Variants in CGRRF1 observed in about 807,000 individuals in gnomAD.
CGRRF1 encodes the protein cell growth regulator with RING finger domain protein 1.
CGRRF1 carries 32 observed loss-of-function variants against 37.2 expected under a neutral mutation model. The observed-to-expected ratio is 0.86, with a 90% CI of 0.65 to 1.16. The LOEUF (loss-of-function observed/expected upper bound fraction) is 1.16, where lower values mean the gene tolerates loss of function less well. Ranked by LOEUF, CGRRF1 falls within the 50% of genes most tolerant of loss-of-function variation. The pLI is 0.00. For synonymous variants in CGRRF1, 141 were observed against 140.3 expected (o/e 1.00, Z -0.04); for missense variants, 391 against 382.6 (o/e 1.02, Z -0.18).
intron 2 of CGRRF1, among the ~76,000 whole-genome samples, chr14:54,525,447 G>T (rs8022285): frequency 0.046 from 6,944 of 152,280 alleles, 372 homozygotes; most frequent in East Asian, 0.28. Context: ...TATTACTGAA[G>T]TCATGAAAAA....
chr14:54,515,610 A>T (rs2032202553), intron 1 of CGRRF1, among the ~76,000 whole-genome samples: 1 of 152,108 alleles, frequency 6.6e-6, no homozygotes, highest in African/African-American at 2.4e-5. Flanking sequence ...AGGTACATAA[A>T]CATTTAGGAT....
chr14:54,538,084 A>G lies in CGRRF1; in HGVS notation c.700A>G (p.Asn234Asp). The stretch of plus-strand genomic sequence containing the variant: ...TCAGCAACTTTTCATGTCTGCAAAT[A>G]ATAATTTCACTCCCTCCAACAATTC... ...DLKQLFMSAN[N>D]NFTPSNNSSS... The change falls in exon 6 of 6, where the codon AAT becomes GAT. Residue 234 changes from asparagine to aspartate, a missense_variant. Coordinates refer to ENST00000216420, the MANE Select transcript of CGRRF1 (RefSeq NM_006568.3). The G allele has an allele frequency of 6.2e-6, 10 of 1,607,080 alleles. No individual in the cohort carries two copies. Among genetic ancestry groups the G allele is most frequent in the Non-Finnish European group, 8.5e-6 (10 of 1,177,630 alleles).
At chr14:54,510,860 C>G (rs1359914929) in intron 1 of CGRRF1, among the ~76,000 whole-genome samples, 1 of 152,184 alleles carries the variant, frequency 6.6e-6, no homozygotes, top group Admixed American at 6.5e-5. Context: ...TTTTTCTAGG[C>G]TGCAGCCTCC....
Position 54,522,604 on chromosome 14 carries a change from G to A in CGRRF1, c.244+11G>A, listed in dbSNP as rs1465489741. ...CAGCTTCAATTACAAGTTGGTGGCTGTTTTCCAAAGATTTTCTCTCATTGT... is the reference window on the plus strand; with the variant it reads ...CAGCTTCAATTACAAGTTGGTGGCTATTTTCCAAAGATTTTCTCTCATTGT... On this transcript the variant is annotated intron_variant, in intron 2 of 5. Coordinates refer to ENST00000216420, the MANE Select transcript of CGRRF1 (RefSeq NM_006568.3). The A allele has an allele frequency of 1.3e-6, 2 of 1,574,362 alleles. No individual in the cohort carries two copies. Among genetic ancestry groups the A allele is most frequent in the South Asian group, 2.4e-5 (2 of 84,430 alleles).
rs143950400 is a variant in CGRRF1 at position 54,535,359 on chromosome 14, TCACACACACA to T, written c.571-2337_571-2328del. 3.5e-3 allele frequency among the ~76,000 whole-genome samples: 499 copies of T among 140,588 alleles called. 3 individuals are homozygous for T. The highest frequency in any genetic ancestry group is 0.011 in the Middle Eastern group (3 of 276). 92.2% of individuals were successfully genotyped at this position (140,588 alleles called of 152,430 possible). A position where few individuals can be genotyped will look rare whatever the true frequency, so the allele number is the denominator to read the frequency against. On this transcript the variant is annotated intron_variant, in intron 4 of 5. Transcript: ENST00000216420. Reference sequence around the variant, plus strand: ...ACATGAGCATTTTTGAAGGGTATAGTCACACACACACACACACACACACACACACACACAC... The same window carrying T: ...ACATGAGCATTTTTGAAGGGTATAGTCACACACACACACACACACACACAC...
chr14:54,510,129 A>AG (rs2032105753), intron 1 of CGRRF1, 66 bp downstream of exon 1: 3 of 1,240,392 alleles, frequency 2.4e-6, no homozygotes, highest in Non-Finnish European at 3.5e-6. Context: ...GACGAGCAGC[A>AG]GGGGGCACCG....
rs1446913188 is a variant in CGRRF1 at position 54,539,049 on chromosome 14, G to C, written c.*666G>C. On this transcript the variant is annotated 3_prime_UTR_variant, in exon 6 of 6. Transcript: ENST00000216420. ...TAAAATTCGGATAATAAGATTTTTTGGATAATTAAATTTATTAAATTGATA... is the reference window on the plus strand; with the variant it reads ...TAAAATTCGGATAATAAGATTTTTTCGATAATTAAATTTATTAAATTGATA... 6.6e-6 allele frequency: 1 copy of C among 152,010 alleles called. No individual in the cohort carries two copies. The highest frequency in any genetic ancestry group is 1.5e-5 in the Non-Finnish European group (1 of 67,998). The allele number at this position is 152,010 out of a possible 1,614,324, so 9.4% of individuals were successfully genotyped here.
At chr14:54,537,576 AT>A in intron 4 of CGRRF1, 145 bp from the exon 5 acceptor site, 1 of 837,466 alleles carries the variant, frequency 1.2e-6, no homozygotes, top group Non-Finnish European at 1.6e-6. Context: ...AAATTTTCTA[AT>A]TTATCAGCCT....
At position 54,538,451 on chromosome 14, in the gene CGRRF1, C is replaced by T. The variant is rs922892531; in HGVS notation, c.*68C>T. 8.6e-7 allele frequency: 1 copy of T among 1,161,784 alleles called. No individual in the cohort carries two copies. Among genetic ancestry groups the T allele is most frequent in the African/African-American group, 1.5e-5 (1 of 64,670 alleles). The allele number at this position is 1,161,784 out of a possible 1,614,324, so 72.0% of individuals were successfully genotyped here. On this transcript the variant is annotated 3_prime_UTR_variant, in exon 6 of 6. Transcript: ENST00000216420. Reference sequence around the variant, plus strand: ...AGAAATTGATGATCTTGGAATTCATCATAACATGGAATCTACAGTACTGAC... The same window carrying T: ...AGAAATTGATGATCTTGGAATTCATTATAACATGGAATCTACAGTACTGAC...
At chr14:54,522,678 T>A in intron 2 of CGRRF1, 85 bp downstream of exon 2, 3 of 1,254,100 alleles carry the variant, frequency 2.4e-6, no homozygotes, top group Non-Finnish European at 3.3e-6. Context: ...TTTCTTTCCC[T>A]TCATTAGACT....
intron 1 of CGRRF1, among the ~76,000 whole-genome samples, chr14:54,519,285 T>C (rs1032769660): frequency 3.3e-5 from 5 of 152,024 alleles, no homozygotes; most frequent in African/African-American, 1.2e-4. Context: ...TTGCCCAGGC[T>C]GGAGTGCAGT....
intron 1 of CGRRF1, among the ~76,000 whole-genome samples, chr14:54,513,506 G>A (rs1311764329): frequency 6.6e-6 from 1 of 152,112 alleles, no homozygotes; most frequent in African/African-American, 2.4e-5. Context: ...AAGTTTCCAT[G>A]GTTCTAAAGC....
intron 1 of CGRRF1, among the ~76,000 whole-genome samples, chr14:54,511,920 C>T (rs970879142): frequency 6.6e-6 from 1 of 152,194 alleles, no homozygotes; most frequent in African/African-American, 2.4e-5. Flanking sequence ...CTAACCCAAC[C>T]ATTCTCTCCA....
intron 2 of CGRRF1, among the ~76,000 whole-genome samples, chr14:54,524,164 A>G (rs895075847): frequency 2.0e-5 from 3 of 152,086 alleles, no homozygotes; most frequent in East Asian, 3.9e-4. Context: ...CATCAAATCC[A>G]GTGGGAGCCT....
chr14:54,510,063 G>A lies in CGRRF1; in HGVS notation c.104G>A (p.Trp35Ter). 6.2e-7 allele frequency: 1 copy of A among 1,602,602 alleles called. No individual in the cohort carries two copies. Among genetic ancestry groups the A allele is most frequent in the African/African-American group, 1.3e-5 (1 of 74,822 alleles). Residue 35 changes from tryptophan (W) to a stop codon, truncating the protein, a stop_gained and splice_region_variant, in exon 1 of 6, where the codon TGG (tryptophan) becomes TAG (stop). Coordinates refer to ENST00000216420, the MANE Select transcript of CGRRF1 (RefSeq NM_006568.3). LOFTEE classifies it high-confidence loss of function. Reference sequence around the variant, plus strand: ...GTGACCACCGGCCTGGTATTGGGATGGTAAGTGTCCCAGGGGTGAGAGACG... The same window carrying A: ...GTGACCACCGGCCTGGTATTGGGATAGTAAGTGTCCCAGGGGTGAGAGACG... ...FIVTTGLVLGWFGWDVPVILR... is the reference protein window; with the variant it reads ...FIVTTGLVLG
chr14:54,516,363 G>A (rs913890028), intron 1 of CGRRF1, among the ~76,000 whole-genome samples: 2 of 151,966 alleles, frequency 1.3e-5, no homozygotes, highest in African/African-American at 2.4e-5. Context: ...TTTAGCTTTT[G>A]TTATGTTTGA....
chr14:54,527,097 T>G (rs912673049), intron 2 of CGRRF1, among the ~76,000 whole-genome samples: 33 of 152,210 alleles, frequency 2.2e-4, no homozygotes, highest in Admixed American at 2.2e-3. Context: ...TCACTTATTT[T>G]GATTCTGAAT....
intron 1 of CGRRF1, chr14:54,510,404 C>T (rs777972215): frequency 9.0e-6 from 3 of 333,814 alleles, no homozygotes; most frequent in Non-Finnish European, 1.7e-5. Context: ...TAGTAGGCTT[C>T]TGTCCCGGAT....
chr14:54,537,827 A>G lies in CGRRF1; in HGVS notation c.676A>G (p.Lys226Glu). The G allele has an allele frequency of 1.2e-6, 2 of 1,601,442 alleles. No individual in the cohort carries two copies. Residue 226 changes from lysine to glutamate, a missense_variant and splice_region_variant, in exon 5 of 6, where the codon AAG becomes GAG. Transcript: ENST00000216420. ...LLAQGQFHDL[K>E]QLFMSANNNF... ...GGCTCAAGGTCAATTTCATGATCTTAAGGTAAGCCGTACTCTGTAGTCTTA... is the reference window on the plus strand; with the variant it reads ...GGCTCAAGGTCAATTTCATGATCTTGAGGTAAGCCGTACTCTGTAGTCTTA...
Sources: gnomAD v4.1 joint callset for allele counts (sites outside exome capture counted in the v4.1 genomes callset) on GRCh38, gnomAD v4.1.1 for gene constraint, MANE v1.5 for transcripts, NCBI Gene and HGNC (gene_info 2026-07-23, HGNC 2026-07-21) for gene names.